The following ABLIM1 variants were observed in gnomAD, a reference collection of about 807,000 sequenced individuals.
ABLIM1 encodes actin-binding LIM protein 1.
ABLIM1 carries 40 observed loss-of-function variants against 107.0 expected under a neutral mutation model. The ratio of observed to expected loss-of-function variants is 0.37; its 90% CI spans 0.29 to 0.49. ABLIM1 has a LOEUF of 0.49. Ranked by LOEUF, ABLIM1 falls within the 20% of genes least tolerant of loss-of-function variation. The probability of loss-of-function intolerance (pLI) is 0.97; values close to 1 mark genes in which losing one functional copy is unlikely to be tolerated. For synonymous variants in ABLIM1, 357 were observed against 357.3 expected (o/e 1.00, Z 0.01); for missense variants, 857 against 1,008.5 (o/e 0.85, Z 2.04).
At chr10:114,463,732 A>C (rs2064469757) in intron 12 of ABLIM1, among the ~76,000 whole-genome samples, 1 of 152,150 alleles carries the variant, frequency 6.6e-6, no homozygotes, top group African/African-American at 2.4e-5. Flanking sequence ...TATCTCAGGA[A>C]GAATGGACCA....
Position 114,436,349 on chromosome 10 carries a change from G to A in ABLIM1, c.2248C>T (p.Arg750Trp), listed in dbSNP as rs772414770. ...TGTATGGACATTCCAAAGATTTCCC[G>A]AAACACTTCAGGGGCTAAGTGGCGC... The part of the protein sequence containing the change: ...LERHLAPEVF[R>W]EIFGMSIQEF... Residue 750 changes from arginine to tryptophan, a missense_variant, in exon 23 of 23, where the codon CGG (arginine) becomes TGG (tryptophan). This residue lies in a region of ABLIM1 where 193 missense variants were observed against 208.5 expected (regional missense o/e 0.93). Coordinates refer to ENST00000533213, the MANE Select transcript of ABLIM1 (RefSeq NM_002313.7). 8.1e-6 allele frequency: 13 copies of A among 1,612,960 alleles called. No individual in the cohort carries two copies. The highest frequency in any genetic ancestry group is 1.3e-5 in the African/African-American group (1 of 74,700).
intron 1 of ABLIM1, among the ~76,000 whole-genome samples, chr10:114,669,048 T>C (rs2141360114): frequency 6.6e-6 from 1 of 152,364 alleles, no homozygotes; most frequent in Admixed American, 6.5e-5. Context: ...TTATGAACTT[T>C]GGACATTAAA....
chr10:114,567,147 AG>A (rs1486169132), intron 4 of ABLIM1, among the ~76,000 whole-genome samples: 1 of 152,236 alleles, frequency 6.6e-6, no homozygotes, highest in African/African-American at 2.4e-5. Flanking sequence ...TCTTGGAGTC[AG>A]GGCACCTGGA....
At chr10:114,515,612 CA>C (rs2062689386) in intron 6 of ABLIM1, among the ~76,000 whole-genome samples, 1 of 152,164 alleles carries the variant, frequency 6.6e-6, no homozygotes, top group African/African-American at 2.4e-5. Flanking sequence ...TTGTGTCCCC[CA>C]AAAAGATATG....
At chr10:114,759,945 A>C (rs1591954551) in intron 1 of ABLIM1, among the ~76,000 whole-genome samples, 1 of 152,348 alleles carries the variant, frequency 6.6e-6, no homozygotes, top group East Asian at 1.9e-4. Flanking sequence ...ATATACTTAA[A>C]TGTGAGCCAT....
At chr10:114,621,017 C>A (rs1271357251) in intron 1 of ABLIM1, among the ~76,000 whole-genome samples, 2 of 152,166 alleles carry the variant, frequency 1.3e-5, no homozygotes, top group Non-Finnish European at 2.9e-5. Flanking sequence ...CCCTACTTAC[C>A]TCTCCTTATG....
At chr10:114,717,933 G>A (rs1347417095) in intron 1 of ABLIM1, among the ~76,000 whole-genome samples, 1 of 124,026 alleles carries the variant, frequency 8.1e-6, no homozygotes, top group Non-Finnish European at 1.7e-5. Flanking sequence ...AGAAGGGGGG[G>A]AAGGGGAGGG....
chr10:114,468,848 G>C (rs1021186508), intron 10 of ABLIM1, among the ~76,000 whole-genome samples: 17 of 151,618 alleles, frequency 1.1e-4, no homozygotes, highest in African/African-American at 3.6e-4. Context: ...TCAGGAGATC[G>C]AGACCATCCT....
At chr10:114,791,548 G>A in the ABLIM1 span, among the ~76,000 whole-genome samples, 2 of 151,886 alleles carry the variant, frequency 1.3e-5, no homozygotes, top group African/African-American at 4.8e-5. Context: ...TGAGGCAGGA[G>A]AATGGCGTGA....
intron 1 of ABLIM1, among the ~76,000 whole-genome samples, chr10:114,718,018 G>GGAAA (rs1453272290): frequency 1.3e-4 from 16 of 122,350 alleles, no homozygotes; most frequent in African/African-American, 4.7e-4. Context: ...AAGGAAGGAA[G>GGAAA]GAAGGAAGGA....
chr10:114,769,507 AGAAG>A (rs1157890247), upstream of ABLIM1, among the ~76,000 whole-genome samples: 1 of 146,626 alleles, frequency 6.8e-6, no homozygotes, highest in African/African-American at 2.5e-5. Context: ...AGGAAGAGAG[AGAAG>A]GAAGGAAGGG....
At chr10:114,715,109 T>C (rs1042848009) in intron 1 of ABLIM1, among the ~76,000 whole-genome samples, 2 of 152,196 alleles carry the variant, frequency 1.3e-5, no homozygotes, top group Non-Finnish European at 2.9e-5. Context: ...ATTTTTAATA[T>C]AATATTATCC....
chr10:114,443,975 T>C (rs2060620275), intron 17 of ABLIM1, 54 bp downstream of exon 17: 1 of 1,454,056 alleles, frequency 6.9e-7, no homozygotes. Context: ...GCAGGTGCCT[T>C]ACAAGCAGGT....
At chr10:114,704,009 C>T (rs973414211) in intron 1 of ABLIM1, among the ~76,000 whole-genome samples, 5 of 152,118 alleles carry the variant, frequency 3.3e-5, no homozygotes, top group Non-Finnish European at 7.4e-5. Context: ...AAAGTGTAAA[C>T]TGACATGCCC....
At chr10:114,530,643 C>T (rs1003812173) in intron 6 of ABLIM1, among the ~76,000 whole-genome samples, 6 of 152,294 alleles carry the variant, frequency 3.9e-5, no homozygotes, top group East Asian at 1.9e-4. Context: ...AAGCAATTCT[C>T]GTGCCTCAGC....
chr10:114,620,419 T>C (rs1232388392), intron 1 of ABLIM1, among the ~76,000 whole-genome samples: 1 of 152,126 alleles, frequency 6.6e-6, no homozygotes, highest in African/African-American at 2.4e-5. Flanking sequence ...CACAATATTT[T>C]TTTTTCTTCA....
At chr10:114,603,036 G>A (rs2076141643) in intron 1 of ABLIM1, among the ~76,000 whole-genome samples, 1 of 152,152 alleles carries the variant, frequency 6.6e-6, no homozygotes, top group Admixed American at 6.5e-5. Context: ...GAGGAACATG[G>A]TGATATATAA....
intron 1 of ABLIM1, among the ~76,000 whole-genome samples, chr10:114,634,333 C>T (rs2078367541): frequency 6.6e-6 from 1 of 150,484 alleles, no homozygotes; most frequent in Non-Finnish European, 1.5e-5. Context: ...GGGGTTTCAC[C>T]TTGTTAGCCA....
intron 1 of ABLIM1, among the ~76,000 whole-genome samples, chr10:114,634,129 C>CTTTTTTTTTTTTTTTTTTTTTTTTTTTTT: frequency 1.5e-5 from 1 of 68,298 alleles, no homozygotes; most frequent in Non-Finnish European, 2.5e-5. Flanking sequence ...CTCAATTTTT[C>CTTTTTTTTTTTTTTTTTTTTTTTTTTTTT]TTTTTTTTTT....
Sources: gnomAD v4.1 joint callset for allele counts (sites outside exome capture counted in the v4.1 genomes callset) on GRCh38, gnomAD v4.1.1 for gene constraint, gnomAD v4.1.1 regional missense constraint, MANE v1.5 for transcripts, NCBI Gene and HGNC (gene_info 2026-07-23, HGNC 2026-07-21) for gene names.